MTHFD2L: variants seen among roughly 807,000 people sequenced by gnomAD.
MTHFD2L encodes methylenetetrahydrofolate dehydrogenase (NADP+ dependent) 2 like.
Under a neutral mutation model 34.9 loss-of-function variants are expected in MTHFD2L, and 29 were observed. That is an observed-to-expected ratio of 0.83 (90% CI 0.62 to 1.13). The LOEUF (loss-of-function observed/expected upper bound fraction) is 1.13, where lower values mean the gene tolerates loss of function less well. Among genes scored for constraint, MTHFD2L ranks in the 50% most tolerant of loss-of-function variants. The pLI, the probability that MTHFD2L is intolerant of heterozygous loss-of-function variation, is 0.00. For synonymous variants in MTHFD2L, 167 were observed against 155.7 expected, an observed-to-expected ratio of 1.07 and a Z score of -0.54; for missense variants, 481 against 446.5, an observed-to-expected ratio of 1.08 and a Z score of -0.70.
upstream of MTHFD2L, among the ~76,000 whole-genome samples, chr4:74,123,670 AC>A (rs138539475): frequency 0.015 from 2,279 of 152,228 alleles, 49 homozygotes; most frequent in African/African-American, 0.052. Flanking sequence ...GAATGCTTCA[AC>A]ATTTTTTCTG....
rs182315268 is a variant in MTHFD2L, at chr4:74,301,805, A to G, written c.1040A>G (p.Tyr347Cys). Residue 347 changes from tyrosine (Y) to cysteine (C), a missense_variant, in exon 8 of 8, where the codon TAC (tyrosine) becomes TGC (cysteine). Physicochemically the swap from Tyr to Cys is radical, Grantham distance 194. Transcript: ENST00000325278. ...NTLLAAKKIIY is the reference protein window; with the variant it reads ...NTLLAAKKIIC ...CTTCTGGCAGCTAAAAAAATCATTT[A>G]CTAGATCACATGAAAGGATAAAGCA... 6.3e-7 allele frequency: 1 copy of G among 1,596,006 alleles called. No individual in the cohort carries two copies. Among genetic ancestry groups the G allele is most frequent in the African/African-American group, 1.3e-5 (1 of 74,410 alleles).
chr4:74,234,900 T>G (rs541503775), intron 6 of MTHFD2L, among the ~76,000 whole-genome samples: 1 of 152,140 alleles, frequency 6.6e-6, no homozygotes, highest in Non-Finnish European at 1.5e-5. Context: ...GTAATAGCTC[T>G]TTTCCTCTGA....
At chr4:74,142,151 T>C (rs951254292) in intron 1 of MTHFD2L, among the ~76,000 whole-genome samples, 3 of 152,204 alleles carry the variant, frequency 2.0e-5, no homozygotes, top group African/African-American at 7.2e-5. Flanking sequence ...TAAGAATGTT[T>C]GATTGGAGAG....
rs571804536 is a variant in MTHFD2L at position 74,147,025 on chromosome 4, T to C, written c.-296-13030T>C. On this transcript the variant is annotated intron_variant, in intron 1 of 7. Transcript: ENST00000433372. ...TTGTTAATTTTCTTTAATACATTTC[T>C]GAATTGCTTTTCTGTGCTATCTTGG... Among the ~76,000 whole-genome samples the C allele has an allele frequency of 4.6e-5, 7 of 152,270 alleles. No individual in the cohort carries two copies. In the South Asian group the frequency reaches 1.5e-3, roughly 32 times the overall value.
intron 5 of MTHFD2L, among the ~76,000 whole-genome samples, chr4:74,208,054 C>G (rs1034897358): frequency 2.6e-5 from 4 of 151,898 alleles, no homozygotes; most frequent in African/African-American, 9.7e-5. Context: ...GGGGAAGGAA[C>G]CATTGTCTAA....
intron 7 of MTHFD2L, among the ~76,000 whole-genome samples, chr4:74,289,195 C>T (rs1560564744): frequency 6.6e-6 from 1 of 152,038 alleles, no homozygotes; most frequent in East Asian, 1.9e-4. Context: ...CTTAGTGATA[C>T]AAAAATAAAA....
intron 5 of MTHFD2L, among the ~76,000 whole-genome samples, chr4:74,208,378 G>A (rs560860598): frequency 6.6e-6 from 1 of 152,164 alleles, no homozygotes; most frequent in South Asian, 2.1e-4. Context: ...GCACAGCACT[G>A]CACTTGGAAA....
chr4:74,132,886 C>T (rs1578232058), intron 1 of MTHFD2L, among the ~76,000 whole-genome samples: 1 of 152,224 alleles, frequency 6.6e-6, no homozygotes, highest in East Asian at 1.9e-4. Flanking sequence ...TCTTTATAAG[C>T]TTCTTACTAG....
rs10585551 is a variant in MTHFD2L at position 74,291,003 on chromosome 4, C to CTTTTTTTTTTTTTTTTTTTTTTTTT, written c.931+9461_931+9485dup. On this transcript the variant is annotated intron_variant, in intron 7 of 7. Transcript: ENST00000325278. The stretch of plus-strand genomic sequence containing the variant: ...CTGTCTTACATTTATTTTTCCTTTT[C>CTTTTTTTTTTTTTTTTTTTTTTTTT]TTTTTTTTTTTTTTTTTTTTTTTTT... 3.5e-3 allele frequency among the ~76,000 whole-genome samples: 102 copies of CTTTTTTTTTTTTTTTTTTTTTTTTT among 29,278 alleles called. 36 individuals carry two copies. The highest frequency in any genetic ancestry group is 6.3e-3 in the Admixed American group (9 of 1,432). 19.2% of individuals were successfully genotyped at this position (29,278 alleles called of 152,430 possible).
intron 6 of MTHFD2L, among the ~76,000 whole-genome samples, chr4:74,253,585 C>T (rs1219528514): frequency 6.6e-6 from 1 of 152,130 alleles, no homozygotes; most frequent in African/African-American, 2.4e-5. Flanking sequence ...AATCGCAGCA[C>T]CAACCTCACC....
At chr4:74,231,149 A>C (rs1739988909) in intron 6 of MTHFD2L, among the ~76,000 whole-genome samples, 1 of 152,116 alleles carries the variant, frequency 6.6e-6, no homozygotes, top group African/African-American at 2.4e-5. Context: ...ATAAATGGGC[A>C]ATTTAGTAAC....
chr4:74,148,137 A>G (rs1189957688), intron 1 of MTHFD2L, among the ~76,000 whole-genome samples: 1 of 152,010 alleles, frequency 6.6e-6, no homozygotes, highest in Admixed American at 6.6e-5. Flanking sequence ...TCCACATCGA[A>G]TGATATTGGC....
chr4:74,255,547 A>G (rs1181701315), intron 6 of MTHFD2L, among the ~76,000 whole-genome samples: 2 of 152,182 alleles, frequency 1.3e-5, no homozygotes, highest in Non-Finnish European at 2.9e-5. Context: ...TTACAAGGGT[A>G]TATTGTATGC....
chr4:74,210,490 T>A (rs1178028082), intron 5 of MTHFD2L, among the ~76,000 whole-genome samples: 3 of 152,180 alleles, frequency 2.0e-5, no homozygotes, highest in African/African-American at 7.2e-5. Context: ...TTGTCATAGA[T>A]CAGATGGTTG....
At chr4:74,152,219 G>T (rs190556798) in intron 1 of MTHFD2L, among the ~76,000 whole-genome samples, 2 of 151,698 alleles carry the variant, frequency 1.3e-5, no homozygotes, top group Admixed American at 6.6e-5. Flanking sequence ...AAAAATACCT[G>T]GGAAATTCCT....
Position 74,191,283 on chromosome 4 carries a change from TA to T in MTHFD2L, c.452-8508del, listed in dbSNP as rs1732439872. 2.6e-5 allele frequency among the ~76,000 whole-genome samples: 4 copies of T among 151,978 alleles called. No homozygotes were observed. The South Asian group carries it at 8.3e-4, about 31-fold the overall frequency. On this transcript the variant is annotated intron_variant, in intron 3 of 7. Transcript: ENST00000325278. ...ATTCAGTAAATATTTGTTGAGTAAA[TA>T]AATGATTGAATTTTCAAGGGCATTG...
intron 6 of MTHFD2L, among the ~76,000 whole-genome samples, chr4:74,228,345 C>T (rs1463384059): frequency 6.6e-6 from 1 of 152,162 alleles, no homozygotes; most frequent in African/African-American, 2.4e-5. Context: ...AATTTGAATG[C>T]TCATCTTTGT....
At chr4:74,121,632 T>G (rs1335967966), upstream of MTHFD2L, among the ~76,000 whole-genome samples, 3 of 145,306 alleles carry the variant, frequency 2.1e-5, no homozygotes, top group Admixed American at 7.0e-5. Context: ...AATTAATTAT[T>G]TAATTATACA....
intron 7 of MTHFD2L, among the ~76,000 whole-genome samples, chr4:74,297,577 C>G (rs1420860695): frequency 3.9e-5 from 6 of 151,970 alleles, no homozygotes; most frequent in African/African-American, 1.4e-4. Context: ...ATGTAGAACA[C>G]CTTTTCCCTA....
Sources: allele counts gnomAD v4.1 joint callset (sites outside exome capture counted in the v4.1 genomes callset), GRCh38; gene constraint gnomAD v4.1.1; transcripts MANE v1.5; gene names NCBI Gene and HGNC (gene_info 2026-07-23, HGNC 2026-07-21).